DUX4: variants seen among roughly 807,000 people sequenced by gnomAD.
DUX4 encodes the protein double homeobox protein 4.
chr4:190,177,757 C>A (rs1742384398), downstream of DUX4, among the ~76,000 whole-genome samples: 1,757 of 66,494 alleles, frequency 0.026, no homozygotes, highest in African/African-American at 0.04. Flanking sequence ...AGAGCCTAGA[C>A]AAGAGTCCCA....
intron 1 of DUX4, among the ~76,000 whole-genome samples, chr4:190,181,293 C>CTAGAAAAG (rs1742562194): frequency 1.2e-5 from 1 of 84,348 alleles, no homozygotes. Flanking sequence ...ACAATGCCGC[C>CTAGAAAAG]AGTAGGCAGA....
downstream of DUX4, among the ~76,000 whole-genome samples, chr4:190,178,063 GAGAT>G (rs1742402812): frequency 6.9e-6 from 1 of 144,394 alleles, no homozygotes. Flanking sequence ...GATCAGTGCA[GAGAT>G]ACGTCACAAT....
downstream of DUX4, among the ~76,000 whole-genome samples, chr4:190,178,525 C>A (rs1742430631): frequency 5.3e-5 from 8 of 152,266 alleles, no homozygotes; most frequent in East Asian, 1.9e-4. Flanking sequence ...AGAGTTGCAT[C>A]ACCTGGGTGA....
chr4:190,175,935 G>T (rs1355907247), downstream of DUX4: 4 of 124,066 alleles, frequency 3.2e-5, 1 homozygote, highest in African/African-American at 5.3e-5. Flanking sequence ...GAACTTCGGT[G>T]ATCAGTGCAG....
At chr4:190,176,565 G>A (rs1318459347), downstream of DUX4, among the ~76,000 whole-genome samples, 2 of 107,066 alleles carry the variant, frequency 1.9e-5, no homozygotes, top group Non-Finnish European at 4.4e-5. Context: ...GTAATTATTA[G>A]TCATAAAGCC....
At chr4:190,183,977 C>G (rs1356167200) in intron 1 of DUX4, among the ~76,000 whole-genome samples, 2 of 120,756 alleles carry the variant, frequency 1.7e-5, no homozygotes, top group African/African-American at 5.1e-5. Flanking sequence ...TTGTAGCTGA[C>G]ACACACAGGC....
chr4:190,177,187 A>AGCGCCCCCGTAGGCAG (rs1579832519), downstream of DUX4, among the ~76,000 whole-genome samples: 1 of 151,728 alleles, frequency 6.6e-6, no homozygotes, highest in Non-Finnish European at 1.5e-5. Flanking sequence ...GCTATGTCAA[A>AGCGCCCCCGTAGGCAG]ACGCCCCTGT....
chr4:190,177,228 T>TG, downstream of DUX4, among the ~76,000 whole-genome samples: 1 of 146,968 alleles, frequency 6.8e-6, no homozygotes, highest in African/African-American at 2.4e-5. Flanking sequence ...TTACATCACC[T>TG]GGGTGATCAT....
downstream of DUX4, among the ~76,000 whole-genome samples, chr4:190,178,719 AGT>A (rs1742446080): frequency 7.2e-6 from 1 of 138,102 alleles, no homozygotes; most frequent in Non-Finnish European, 1.6e-5. Flanking sequence ...AGCTTAGATG[AGT>A]TACATCACCT....
At chr4:190,183,033 G>A (rs1287097124) in intron 1 of DUX4, among the ~76,000 whole-genome samples, 2 of 34,402 alleles carry the variant, frequency 5.8e-5, no homozygotes, top group African/African-American at 9.8e-5. Flanking sequence ...GTTAGGGTTA[G>A]GGGTTAGGGT....
At chr4:190,179,466 GAAGAGTTATAT>G (rs1742495531), downstream of DUX4, among the ~76,000 whole-genome samples, 49 of 59,774 alleles carry the variant, frequency 8.2e-4, no homozygotes, top group Middle Eastern at 7.2e-3. Context: ...AGATCCTAGA[GAAGAGTTATAT>G]CACCTGGGTG....
At chr4:190,175,982 G>A (rs1227440688), downstream of DUX4, 7 of 108,864 alleles carry the variant, frequency 6.4e-5, no homozygotes, top group African/African-American at 1.9e-4. Flanking sequence ...TGAACCTAGA[G>A]AATGGTTACA....
downstream of DUX4, among the ~76,000 whole-genome samples, chr4:190,176,577 C>G (rs1162259341): frequency 2.6e-5 from 3 of 114,798 alleles, 1 homozygote; most frequent in Middle Eastern, 3.7e-3. Flanking sequence ...CATAAAGCCT[C>G]CTGTAGGCAG....
intron 1 of DUX4, among the ~76,000 whole-genome samples, chr4:190,181,461 C>A (rs1579837460): frequency 0.011 from 575 of 51,050 alleles, no homozygotes; most frequent in Non-Finnish European, 0.015. Context: ...AGTTACATCA[C>A]CTAGATGATC....
downstream of DUX4, among the ~76,000 whole-genome samples, chr4:190,178,138 G>A: frequency 6.6e-6 from 1 of 151,310 alleles, no homozygotes; most frequent in Non-Finnish European, 1.5e-5. Context: ...ACAGAGTGAT[G>A]TCACAACGCC....
chr4:190,180,114 G>A (rs1742531873), downstream of DUX4, among the ~76,000 whole-genome samples: 2 of 60,618 alleles, frequency 3.3e-5, no homozygotes, highest in Non-Finnish European at 7.0e-5. Flanking sequence ...GCAGAAATAT[G>A]TGACAATGCC....
At chr4:190,176,750 G>T (rs1253610296), downstream of DUX4, among the ~76,000 whole-genome samples, 2 of 126,518 alleles carry the variant, frequency 1.6e-5, no homozygotes, top group African/African-American at 5.1e-5. Flanking sequence ...CATCACCTGG[G>T]TGATCAGTGC....
chr4:190,178,688 T>C (rs1579834587), downstream of DUX4, among the ~76,000 whole-genome samples: 2 of 150,520 alleles, frequency 1.3e-5, no homozygotes, highest in South Asian at 2.1e-4. Context: ...CAGAGATATG[T>C]CACAAAGCTC....
At chr4:190,176,012 A>C (rs1251444930), downstream of DUX4, among the ~76,000 whole-genome samples, 1 of 110,850 alleles carries the variant, frequency 9.0e-6, no homozygotes, top group Non-Finnish European at 2.1e-5. Context: ...TGATCAGTGT[A>C]GAGATATGTT....
Sources: allele counts gnomAD v4.1 joint callset (sites outside exome capture counted in the v4.1 genomes callset), GRCh38; gene constraint gnomAD v4.1.1; transcripts MANE v1.5; gene names NCBI Gene and HGNC (gene_info 2026-07-23, HGNC 2026-07-21).